HHLA2: variants seen among roughly 807,000 people sequenced by gnomAD.
HHLA2 encodes the protein HHLA2 member of B7 family, also known as HERV-H LTR-associating protein 2.
In HHLA2, 48 loss-of-function variants were observed where a neutral mutation model predicts 45.9. The ratio of observed to expected loss-of-function variants is 1.05; its 90% CI spans 0.83 to 1.33. The LOEUF is 1.33. Ranked by LOEUF, HHLA2 falls within the 40% of genes most tolerant of loss-of-function variation. HHLA2 has a pLI of 0.00. For missense variants in HHLA2, 462 were observed against 494.3 expected (o/e 0.93, Z 0.62); for synonymous variants, 161 against 173.9 (o/e 0.93, Z 0.59).
intron 3 of HHLA2, among the ~76,000 whole-genome samples, chr3:108,347,426 A>ATGTATT (rs1325403235): frequency 2.6e-5 from 4 of 152,104 alleles, no homozygotes; most frequent in Non-Finnish European, 5.9e-5. Flanking sequence ...GTCTCCAGGA[A>ATGTATT]TGTATTTTGT....
intron 3 of HHLA2, among the ~76,000 whole-genome samples, chr3:108,342,352 C>A (rs146304656): frequency 0.053 from 7,740 of 145,160 alleles, 644 homozygotes; most frequent in African/African-American, 0.18. Flanking sequence ...CAACCTCCGA[C>A]TTCCAGGTTC....
intron 1 of HHLA2, among the ~76,000 whole-genome samples, chr3:108,305,913 G>C (rs539375721): frequency 5.9e-5 from 9 of 152,298 alleles, no homozygotes; most frequent in African/African-American, 2.2e-4. Context: ...CTGCTGTGGG[G>C]AGTGTGGGTG....
intron 3 of HHLA2, among the ~76,000 whole-genome samples, chr3:108,345,385 A>T (rs1445671301): frequency 6.6e-6 from 1 of 152,262 alleles, no homozygotes; most frequent in Non-Finnish European, 1.5e-5. Context: ...CTAAATTGAT[A>T]AAAGCAGTAA....
At chr3:108,361,130 G>T (rs1046161074) in intron 7 of HHLA2, among the ~76,000 whole-genome samples, 1 of 152,170 alleles carries the variant, frequency 6.6e-6, no homozygotes, top group African/African-American at 2.4e-5. Context: ...TCCTGACCAA[G>T]ATGCTGGAGA....
In HHLA2 at chr3:108,318,316, G is replaced by T. The variant is rs532853838; in HGVS notation, c.-105+7575G>T. Among the ~76,000 whole-genome samples, 29 of 152,200 alleles carry T rather than the reference G, an allele frequency of 1.9e-4. No individual in the cohort carries two copies. The East Asian group carries it at 5.2e-3, about 27-fold the overall frequency. ...TTCTAGACAATAACTTTTCATGGAG[G>T]GTATAGCCAGTCATCATCAATGGCC... On this transcript the variant is annotated intron_variant, in intron 2 of 10. Coordinates refer to ENST00000619531, the Ensembl canonical transcript of HHLA2.
In HHLA2 at chr3:108,352,451, C is replaced by T. The variant is rs377467699; in HGVS notation, c.64+574C>T. ...GTAGAGGATAAAGACTGTGACAGAGCCACTTGGGCACGCAGTTCTTCCATC... is the reference window on the plus strand; with the variant it reads ...GTAGAGGATAAAGACTGTGACAGAGTCACTTGGGCACGCAGTTCTTCCATC... On this transcript the variant is annotated intron_variant, in intron 4 of 10. Transcript: ENST00000619531. 1.8e-4 allele frequency among the ~76,000 whole-genome samples: 28 copies of T among 152,252 alleles called. No homozygotes were observed. In the South Asian group the frequency reaches 2.7e-3, roughly 15 times the overall value.
In HHLA2 at chr3:108,371,660, T is replaced by C. The variant is rs577744383; in HGVS notation, c.1109-4090T>C. ...ACCAAGCAAATGACAAACAAAAAAA[T>C]GCAGGAGTTGCAATCCTAGTCTCTG... On this transcript the variant is annotated intron_variant, in intron 8 of 10. Transcript: ENST00000619531. 2.6e-5 allele frequency among the ~76,000 whole-genome samples: 4 copies of C among 152,016 alleles called. No homozygotes were observed. The South Asian group carries it at 8.3e-4, about 32-fold the overall frequency.
At chr3:108,351,156 A>G (rs1320353084) in intron 3 of HHLA2, among the ~76,000 whole-genome samples, 2 of 152,182 alleles carry the variant, frequency 1.3e-5, no homozygotes, top group African/African-American at 4.8e-5. Flanking sequence ...ACGTTTTGCC[A>G]TCTATATTTT....
intron 7 of HHLA2, among the ~76,000 whole-genome samples, chr3:108,358,749 C>T (rs1053339099): frequency 6.6e-6 from 1 of 152,198 alleles, no homozygotes; most frequent in African/African-American, 2.4e-5. Flanking sequence ...TCTAGGTGAG[C>T]TGGATGGTCC....
chr3:108,362,528 C>T, intron 8 of HHLA2, 82 bp downstream of exon 7: 9 of 871,070 alleles, frequency 1.0e-5, no homozygotes, highest in Non-Finnish European at 1.4e-5. Context: ...GCCCAAACAG[C>T]TACTGGGCAT....
At position 108,325,572 on chromosome 3, in the gene HHLA2, T is replaced by C. The variant is rs558246953; in HGVS notation, c.-104-2698T>C. On this transcript the variant is annotated intron_variant, in intron 2 of 10. Transcript: ENST00000619531. ...ATCTTGGTTTTGTAGTTTGGCAAAG[T>C]ATTGGCCTCCCCCACCATAGGAACT... The C allele has an allele frequency of 4.2e-5, 11 of 262,164 alleles. No homozygotes were observed. In the South Asian group the frequency reaches 5.4e-4, roughly 13 times the overall value. The allele number at this position is 262,164 out of a possible 1,614,324, so 16.2% of individuals were successfully genotyped here.
intron 7 of HHLA2, among the ~76,000 whole-genome samples, chr3:108,361,664 C>T (rs931904528): frequency 5.3e-5 from 8 of 151,826 alleles, no homozygotes; most frequent in African/African-American, 1.9e-4. Flanking sequence ...GTATGCATAG[C>T]GTTCAGTACT....
At chr3:108,368,081 AC>A (rs1304221775) in intron 8 of HHLA2, among the ~76,000 whole-genome samples, 1 of 152,210 alleles carries the variant, frequency 6.6e-6, no homozygotes, top group Non-Finnish European at 1.5e-5. Flanking sequence ...AGAATTTTCA[AC>A]CCAGAATTTC....
At chr3:108,312,620 G>A (rs913439635) in intron 2 of HHLA2, among the ~76,000 whole-genome samples, 6 of 152,240 alleles carry the variant, frequency 3.9e-5, no homozygotes, top group African/African-American at 1.4e-4. Context: ...GCCCCTTGCA[G>A]CAAGGGTGAG....
intron 1 of HHLA2, among the ~76,000 whole-genome samples, chr3:108,298,086 A>G (rs1326928598): frequency 6.6e-6 from 1 of 152,322 alleles, no homozygotes; most frequent in East Asian, 1.9e-4. Context: ...GTAGGAATGA[A>G]TACCCCTTTT....
At chr3:108,367,617 A>C (rs1023664513) in intron 8 of HHLA2, among the ~76,000 whole-genome samples, 17 of 151,958 alleles carry the variant, frequency 1.1e-4, no homozygotes, top group African/African-American at 4.1e-4. Context: ...GAGACTGAAG[A>C]TCAACTTACT....
exon 3 of HHLA2, chr3:108,328,275 A>G (rs1161741870): frequency 1.3e-6 from 2 of 1,481,598 alleles, no homozygotes; most frequent in East Asian, 2.6e-5. Context: ...CACAGCATGT[A>G]GGAGAATACT....
intron 3 of HHLA2, among the ~76,000 whole-genome samples, chr3:108,345,849 A>G (rs900021894): frequency 5.3e-5 from 8 of 152,160 alleles, no homozygotes; most frequent in African/African-American, 1.7e-4. Context: ...GCTAATGCCA[A>G]TGGGGAAAAC....
At chr3:108,300,301 A>G (rs1409473565) in intron 1 of HHLA2, among the ~76,000 whole-genome samples, 1 of 152,126 alleles carries the variant, frequency 6.6e-6, no homozygotes, top group African/African-American at 2.4e-5. Flanking sequence ...CAGCCCAGGG[A>G]ATTCAAGGAC....
Sources: allele counts gnomAD v4.1 joint callset (sites outside exome capture counted in the v4.1 genomes callset), GRCh38; gene constraint gnomAD v4.1.1; transcripts MANE v1.5; gene names NCBI Gene and HGNC (gene_info 2026-07-23, HGNC 2026-07-21).